Variants in GSTZ1 observed in about 807,000 individuals in gnomAD.
GSTZ1 encodes maleylacetoacetate isomerase.
A neutral mutation model predicts 35.9 loss-of-function variants in GSTZ1; 34 were observed. The observed-to-expected ratio is 0.95, with a 90% confidence interval of 0.72 to 1.26. The LOEUF is 1.26. GSTZ1 is among the 50% of genes most tolerant of loss of function. GSTZ1 has a pLI of 0.00. For missense variants in GSTZ1, 263 were observed against 271.7 expected, an observed-to-expected ratio of 0.97 and a Z score of 0.23; for synonymous variants, 93 against 101.2, an observed-to-expected ratio of 0.92 and a Z score of 0.49.
At chr14:77,326,621 G>A in intron 2 of GSTZ1, 1 of 535,674 alleles carries the variant, frequency 1.9e-6, no homozygotes, top group Non-Finnish European at 3.4e-6. Context: ...AAGAGTTCAG[G>A]GGTGAGTGAG....
In GSTZ1 at chr14:77,331,138, C is replaced by T; in HGVS notation, c.594C>T (p.Ala198=). Residue 198 remains alanine, a synonymous_variant, in exon 9 of 9, where the codon GCC becomes GCT. Coordinates refer to ENST00000216465, the MANE Select transcript of GSTZ1 (RefSeq NM_145870.3). ...ACAAGAGGCTGCTGGTCTTGGAGGC[C>T]TTCCAGGTGTCTCACCCCTGCCGGC... ...SINKRLLVLE[A]FQVSHPCRQP... is the part of the protein sequence containing the mutation. 1 of 1,614,134 alleles carries T rather than the reference C, an allele frequency of 6.2e-7. No individual in the cohort carries two copies. The highest frequency in any genetic ancestry group is 8.5e-7 in the Non-Finnish European group (1 of 1,179,976).
At chr14:77,329,425 G>A (rs1892499641) in intron 6 of GSTZ1, 1 of 599,174 alleles carries the variant, frequency 1.7e-6, no homozygotes, top group Non-Finnish European at 3.0e-6. Flanking sequence ...TTCATAGCTG[G>A]ATGGCCCAAC....
At chr14:77,329,621 C>G (rs1892509694) in intron 6 of GSTZ1, 134 bp from the exon 7 acceptor site, 1 of 732,026 alleles carries the variant, frequency 1.4e-6, no homozygotes, top group Non-Finnish European at 2.5e-6. Context: ...CTGGCTGCCA[C>G]ATTCTCACCA....
intron 1 of GSTZ1, chr14:77,324,478 C>G (rs952046132): frequency 2.5e-6 from 2 of 808,326 alleles, no homozygotes; most frequent in South Asian, 1.4e-5. Flanking sequence ...GTCAAAGTTC[C>G]CCCAATGCCT....
At chr14:77,327,854 C>A in intron 4 of GSTZ1, 58 bp from the exon 5 acceptor site, 2 of 1,565,454 alleles carry the variant, frequency 1.3e-6, no homozygotes, top group Non-Finnish European at 1.8e-6. Flanking sequence ...CTGGCCCTGT[C>A]CCCTCTGGTC....
Position 77,330,235 on chromosome 14 carries a change from G to A in GSTZ1, c.475-75G>A, listed in dbSNP as rs551241306. ...GATTGTTGGTACCCCCAGTAGAGTC[G>A]CAGTGGACACACCCAGTCCAGCCAC... On this transcript the variant is annotated intron_variant, in intron 7 of 8. Coordinates refer to ENST00000216465, the MANE Select transcript of GSTZ1 (RefSeq NM_145870.3). 34 of 998,126 alleles carry A rather than the reference G, an allele frequency of 3.4e-5. 1 individual carries two copies. The highest frequency in any genetic ancestry group is 4.1e-4 in the Middle Eastern group (2 of 4,874). The allele number at this position is 998,126 out of a possible 1,614,324, so 61.8% of individuals were successfully genotyped here.
chr14:77,321,328 T>G (rs1276812507), intron 1 of GSTZ1, 145 bp downstream of exon 1: 5 of 1,529,780 alleles, frequency 3.3e-6, no homozygotes, highest in Non-Finnish European at 2.6e-6. Context: ...GCTCTGCGCC[T>G]GCGTGCTGCG....
intron 2 of GSTZ1, 174 bp from the exon 3 acceptor site, chr14:77,326,662 ACG>A: frequency 1.7e-6 from 1 of 581,518 alleles, no homozygotes; most frequent in African/African-American, 1.9e-5. Context: ...GGTAGGGAGC[ACG>A]TGGTGACAAG....
At chr14:77,321,898 A>AAAT (rs1491129157) in intron 1 of GSTZ1, among the ~76,000 whole-genome samples, 30 of 150,710 alleles carry the variant, frequency 2.0e-4, no homozygotes, top group African/African-American at 6.8e-4. Flanking sequence ...AAAAAAAAAA[A>AAAT]GGCCCCGAGC....
intron 5 of GSTZ1, chr14:77,328,728 C>T: frequency 5.1e-6 from 1 of 195,422 alleles, no homozygotes; most frequent in Non-Finnish European, 1.0e-5. Context: ...TTGTGGACCT[C>T]CCTCATCCCA....
intron 1 of GSTZ1, chr14:77,321,428 C>A (rs981696912): frequency 7.9e-6 from 12 of 1,525,426 alleles, no homozygotes; most frequent in Non-Finnish European, 1.1e-5. Flanking sequence ...AGTCGCTGTC[C>A]GGTCGCGCTT....
intron 7 of GSTZ1, 174 bp downstream of exon 7, chr14:77,329,981 A>G (rs1892534915): frequency 1.2e-5 from 8 of 654,046 alleles, no homozygotes; most frequent in Non-Finnish European, 2.2e-5. Context: ...CTCAAGGTAG[A>G]AGACTGGCTG....
intron 2 of GSTZ1, 97 bp downstream of exon 2, chr14:77,325,018 C>T (rs1298784052): frequency 9.6e-7 from 1 of 1,042,226 alleles, no homozygotes; most frequent in Non-Finnish European, 1.5e-6. Flanking sequence ...AAGGGTTGCT[C>T]TGTCAGAGAG....
Position 77,331,055 on chromosome 14 carries a change from T to A in GSTZ1, c.525-14T>A. Reference sequence around the variant, plus strand: ...CCTGAAAACCTTAGCTTAGCAGGTGTTTCTCTACTACAGATTCAAGGTGGA... The same window carrying A: ...CCTGAAAACCTTAGCTTAGCAGGTGATTCTCTACTACAGATTCAAGGTGGA... On this transcript the variant is annotated splice_polypyrimidine_tract_variant and intron_variant, in intron 8 of 8. Coordinates refer to ENST00000216465, the MANE Select transcript of GSTZ1 (RefSeq NM_145870.3). 1 of 1,611,610 alleles carries A rather than the reference T, an allele frequency of 6.2e-7. No individual in the cohort carries two copies. Among genetic ancestry groups the A allele is most frequent in the South Asian group, 1.1e-5 (1 of 90,906 alleles).
intron 1 of GSTZ1, 120 bp downstream of exon 1, chr14:77,321,303 C>T (rs867664809): frequency 2.0e-6 from 3 of 1,528,022 alleles, no homozygotes; most frequent in African/African-American, 1.4e-5. Flanking sequence ...GCATGCAGTG[C>T]TTTGCGCCGG....
intron 2 of GSTZ1, 184 bp from the exon 3 acceptor site, chr14:77,326,654 T>G: frequency 1.1e-5 from 6 of 562,782 alleles, no homozygotes; most frequent in Admixed American, 2.9e-5. Flanking sequence ...GCATCTGGGG[T>G]AGGGAGCACG....
intron 4 of GSTZ1, 78 bp from the exon 5 acceptor site, chr14:77,327,831 AAGG>A (rs1244856456): frequency 1.0e-5 from 14 of 1,348,020 alleles, no homozygotes; most frequent in Non-Finnish European, 1.5e-5. Flanking sequence ...GGAAGAGGAG[AAGG>A]AGGAGTTTGC....
chr14:77,321,650 G>C (rs1054817493), intron 1 of GSTZ1: 106 of 510,824 alleles, frequency 2.1e-4, no homozygotes, highest in African/African-American at 2.1e-3. Flanking sequence ...TTGGGAGGCC[G>C]AGGCGGGCGG....
At chr14:77,328,772 A>G (rs552717497) in intron 5 of GSTZ1, 9 of 308,760 alleles carry the variant, frequency 2.9e-5, no homozygotes, top group Non-Finnish European at 5.6e-5. Context: ...TCTCCTCACA[A>G]GGGACCATGC....
Sources: gnomAD v4.1 joint callset for allele counts (sites outside exome capture counted in the v4.1 genomes callset) on GRCh38, gnomAD v4.1.1 for gene constraint, MANE v1.5 for transcripts, NCBI Gene and HGNC (gene_info 2026-07-23, HGNC 2026-07-21) for gene names.